The following ENDOD1 variants were observed in gnomAD, a reference collection of about 807,000 sequenced individuals.
ENDOD1 encodes endonuclease domain containing 1.
A neutral mutation model predicts 6.5 loss-of-function variants in ENDOD1; 9 were observed. The observed-to-expected ratio is 1.39, with a 90% CI of 0.84 to 2.43. The LOEUF (loss-of-function observed/expected upper bound fraction) is 2.43. Ranked by LOEUF, ENDOD1 falls within the 30% of genes most tolerant of loss-of-function variation. ENDOD1 has a pLI of 0.00. For missense variants in ENDOD1, 648 were observed against 635.5 expected (o/e 1.02, Z -0.21); for synonymous variants, 255 against 255.2 (o/e 1.00, Z 0.01).
In ENDOD1 at chr11:95,130,281, T is replaced by C. The variant is rs1210959358; in HGVS notation, c.*702T>C. On this transcript the variant is annotated 3_prime_UTR_variant, in exon 2 of 2. Coordinates refer to ENST00000278505, the MANE Select transcript of ENDOD1 (RefSeq NM_015036.3). ...GTAATGGTAAGCATTTTATGCCAAA[T>C]GTGGCATAACAGAGTTTGAATTGAA... is the stretch of plus-strand genomic sequence containing the variant. 1.3e-5 allele frequency: 2 copies of C among 152,136 alleles called. No individual in the cohort carries two copies. Among genetic ancestry groups the C allele is most frequent in the Admixed American group, 6.5e-5 (1 of 15,274 alleles). The allele number at this position is 152,136 out of a possible 1,614,324, so 9.4% of individuals were successfully genotyped here.
In ENDOD1 at chr11:95,125,089, C is replaced by T. The variant is rs367933499; in HGVS notation, c.301-3288C>T. 1.4e-4 allele frequency among the ~76,000 whole-genome samples: 21 copies of T among 152,176 alleles called. No homozygotes were observed. In the East Asian group the frequency reaches 3.1e-3, roughly 22 times the overall value. ...CCTCTTCTCTGCTCATTTTTTTAGG[C>T]CTTCCATCAACCCCTGTAGGCACGT... On this transcript the variant is annotated intron_variant, in intron 1 of 1. Coordinates refer to ENST00000278505, the MANE Select transcript of ENDOD1 (RefSeq NM_015036.3).
At chr11:95,093,179 T>A (rs1467101328) in intron 1 of ENDOD1, among the ~76,000 whole-genome samples, 1 of 152,248 alleles carries the variant, frequency 6.6e-6, no homozygotes, top group African/African-American at 2.4e-5. Flanking sequence ...CACTGCAGAA[T>A]GCAGTTTACA....
chr11:95,092,097 A>C (rs1337624783), intron 1 of ENDOD1, among the ~76,000 whole-genome samples: 2 of 152,102 alleles, frequency 1.3e-5, no homozygotes, highest in Admixed American at 1.3e-4. Flanking sequence ...GGTCAGGATG[A>C]CATTTCTGCT....
Position 95,129,209 on chromosome 11 carries a change from G to A in ENDOD1, c.1133G>A (p.Arg378His), listed in dbSNP as rs957695086. Residue 378 changes from arginine (R) to histidine (H), a missense_variant, in exon 2 of 2, where the codon CGC becomes CAC. Transcript: ENST00000278505. ...AATGGCATAGAAAGTTGCCTTTACCGCCTGGGCTCAGCCACCATCTCATAC... is the reference window on the plus strand; with the variant it reads ...AATGGCATAGAAAGTTGCCTTTACCACCTGGGCTCAGCCACCATCTCATAC... ...VINGIESCLYRLGSATISYFM... is the reference protein window; with the variant it reads ...VINGIESCLYHLGSATISYFM... The A allele has an allele frequency of 2.1e-5, 34 of 1,613,998 alleles. No homozygotes were observed. The highest frequency in any genetic ancestry group is 2.7e-5 in the African/African-American group (2 of 74,884).
chr11:95,127,046 T>C (rs1261797979), intron 1 of ENDOD1, among the ~76,000 whole-genome samples: 1 of 152,170 alleles, frequency 6.6e-6, no homozygotes, highest in Non-Finnish European at 1.5e-5. Flanking sequence ...TTACGAAACC[T>C]TTCCCTGTTT....
rs779902269 is a variant in ENDOD1, at chr11:95,129,122, T to G, written c.1046T>G (p.Leu349Arg). 2 of 1,614,158 alleles carry G rather than the reference T, an allele frequency of 1.2e-6. No homozygotes were observed. Among genetic ancestry groups the G allele is most frequent in the Admixed American group, 3.3e-5 (2 of 60,026 alleles). ...FIKLFQLIYYLVVAILKNIVY... is the reference protein window; with the variant it reads ...FIKLFQLIYYRVVAILKNIVY... ...AAGCTTTTTCAATTAATTTATTACCTTGTGGTAGCAATCCTGAAGAACATT... is the reference window on the plus strand; with the variant it reads ...AAGCTTTTTCAATTAATTTATTACCGTGTGGTAGCAATCCTGAAGAACATT... The change falls in exon 2 of 2, where the codon CTT (leucine) becomes CGT (arginine). Residue 349 changes from leucine (L) to arginine (R), a missense_variant. Transcript: ENST00000278505.
chr11:95,095,167 G>A (rs975017436), intron 1 of ENDOD1, among the ~76,000 whole-genome samples: 5 of 152,234 alleles, frequency 3.3e-5, no homozygotes, highest in Admixed American at 2.0e-4. Context: ...AATGCTTGGT[G>A]TATGTCCCAC....
intron 1 of ENDOD1, among the ~76,000 whole-genome samples, chr11:95,096,356 C>T (rs1182288783): frequency 1.4e-5 from 2 of 142,264 alleles, no homozygotes; most frequent in African/African-American, 2.6e-5. Context: ...CATTGCCTGT[C>T]GATATATCTA....
rs758027047 is a variant in ENDOD1, at chr11:95,110,574, C to CGTGTGTGTGT, written c.301-17799_301-17798insGTGTGTGTGT. ...ACTCTTTTTTGCTGACTTTCAAGTC[C>CGTGTGTGTGT]GTGTATGTATGTGTGTGTGTGTGTG... On this transcript the variant is annotated intron_variant, in intron 1 of 1. Coordinates refer to ENST00000278505, the MANE Select transcript of ENDOD1 (RefSeq NM_015036.3). Among the ~76,000 whole-genome samples, 56 of 138,810 alleles carry CGTGTGTGTGT rather than the reference C, an allele frequency of 4.0e-4. 1 individual carries two copies. The highest frequency in any genetic ancestry group is 5.7e-4 in the Admixed American group (8 of 14,138). The allele number at this position is 138,810 out of a possible 152,430, so 91.1% of individuals were successfully genotyped here.
Position 95,090,051 on chromosome 11 carries a change from A to AC in ENDOD1, c.128dup (p.Pro44AlafsTer20). On this transcript the variant is annotated frameshift_variant, in exon 1 of 2. Transcript: ENST00000278505. LOFTEE classifies it high-confidence loss of function. ...ATGTGACAAGTTCTTCTACGCCGGG[A>AC]CCCCGCCTGCGGGGCTGGCGGCCGA... 1.2e-6 allele frequency: 2 copies of AC among 1,600,634 alleles called. No homozygotes were observed. Among genetic ancestry groups the AC allele is most frequent in the East Asian group, 4.6e-5 (2 of 43,710 alleles).
intron 1 of ENDOD1, among the ~76,000 whole-genome samples, chr11:95,093,891 A>G (rs1338383946): frequency 1.3e-5 from 2 of 152,176 alleles, no homozygotes; most frequent in Non-Finnish European, 2.9e-5. Flanking sequence ...TGCTCTGCCT[A>G]CAGGAGATGG....
At chr11:95,119,564 A>T (rs1242979595) in intron 1 of ENDOD1, among the ~76,000 whole-genome samples, 3 of 152,190 alleles carry the variant, frequency 2.0e-5, no homozygotes, top group Admixed American at 2.0e-4. Context: ...GGATGGAGTG[A>T]CACAAGCACC....
At chr11:95,100,336 C>A (rs1253836215) in intron 1 of ENDOD1, among the ~76,000 whole-genome samples, 1 of 152,138 alleles carries the variant, frequency 6.6e-6, no homozygotes, top group Non-Finnish European at 1.5e-5. Context: ...CTTCAGGACT[C>A]CCCAGTGCTC....
rs891104921 is a variant in ENDOD1, at chr11:95,131,497, G to A, written c.*1918G>A. 3 of 152,198 alleles carry A rather than the reference G, an allele frequency of 2.0e-5. No homozygotes were observed. Among genetic ancestry groups the A allele is most frequent in the Admixed American group, 2.0e-4 (3 of 15,284 alleles). 9.4% of individuals were successfully genotyped at this position (152,198 alleles called of 1,614,324 possible). A position where few individuals can be genotyped will look rare whatever the true frequency, so the allele number is the denominator to read the frequency against. ...ATGGCTAGCTGAGAGCAGATTAGGA[G>A]CCAACGTTGTTTGCACATGTCCCAT... On this transcript the variant is annotated 3_prime_UTR_variant, in exon 2 of 2. Coordinates refer to ENST00000278505, the MANE Select transcript of ENDOD1 (RefSeq NM_015036.3).
intron 1 of ENDOD1, among the ~76,000 whole-genome samples, chr11:95,113,968 C>T (rs561105386): frequency 6.6e-6 from 1 of 152,206 alleles, no homozygotes; most frequent in East Asian, 1.9e-4. Flanking sequence ...CCATTTTAAC[C>T]AGGGTGACAT....
chr11:95,131,107 G>C lies in ENDOD1; in HGVS notation c.*1528G>C, dbSNP rs1025765484. On this transcript the variant is annotated 3_prime_UTR_variant, in exon 2 of 2. Coordinates refer to ENST00000278505, the MANE Select transcript of ENDOD1 (RefSeq NM_015036.3). ...GAGTTACATTTTGCAGAAAAATAGCGGAGGCACACCCAGAGTAGAACAGCA... is the reference window on the plus strand; with the variant it reads ...GAGTTACATTTTGCAGAAAAATAGCCGAGGCACACCCAGAGTAGAACAGCA... The C allele has an allele frequency of 6.6e-6, 1 of 152,346 alleles. No individual in the cohort carries two copies. The highest frequency in any genetic ancestry group is 1.9e-4 in the East Asian group (1 of 5,190). The allele number at this position is 152,346 out of a possible 1,614,324, so 9.4% of individuals were successfully genotyped here.
At position 95,098,039 on chromosome 11, in the gene ENDOD1, G is replaced by A. The variant is rs71473224; in HGVS notation, c.300+7812G>A. Among the ~76,000 whole-genome samples the A allele has an allele frequency of 9.1e-3, 1,378 of 152,166 alleles. 7 individuals carry two copies. Among genetic ancestry groups the A allele is most frequent in the Non-Finnish European group, 0.016 (1,081 of 67,994 alleles). ...ATTAGTGGCTGAACCTCCCAAATCT[G>A]GAAATCTGAAATCTGAAATGCTTTA... is the stretch of plus-strand genomic sequence containing the variant. On this transcript the variant is annotated intron_variant, in intron 1 of 1. Transcript: ENST00000278505.
intron 1 of ENDOD1, among the ~76,000 whole-genome samples, chr11:95,102,989 A>T (rs1322675841): frequency 6.6e-6 from 1 of 152,050 alleles, no homozygotes; most frequent in Non-Finnish European, 1.5e-5. Context: ...CAGGTAGCTT[A>T]TTGGCCAGGC....
chr11:95,126,763 C>T (rs1353061293), intron 1 of ENDOD1, among the ~76,000 whole-genome samples: 2 of 152,188 alleles, frequency 1.3e-5, no homozygotes, highest in East Asian at 1.9e-4. Context: ...TCACTGCATC[C>T]TCTACTTCCC....
Sources: allele counts gnomAD v4.1 joint callset (sites outside exome capture counted in the v4.1 genomes callset), GRCh38; gene constraint gnomAD v4.1.1; transcripts MANE v1.5; gene names NCBI Gene and HGNC (gene_info 2026-07-23, HGNC 2026-07-21).